The following RAD23B variants were observed in gnomAD, a reference collection of about 807,000 sequenced individuals.
RAD23B encodes RAD23 nucleotide excision repair protein B, also known as lysine-specific demethylase RAD23B.
RAD23B carries 5 observed loss-of-function variants against 49.1 expected under a neutral mutation model. That is an observed-to-expected ratio of 0.10 (90% CI 0.05 to 0.21). The LOEUF (loss-of-function observed/expected upper bound fraction) is 0.21, where lower values mean the gene tolerates loss of function less well. Ranked by LOEUF, RAD23B falls within the 10% of genes least tolerant of loss-of-function variation. RAD23B has a pLI of 1.00. For missense variants in RAD23B, 356 were observed against 486.7 expected, an observed-to-expected ratio of 0.73 and a Z score of 2.53; for synonymous variants, 184 against 165.4, an observed-to-expected ratio of 1.11 and a Z score of -0.86.
intron 4 of RAD23B, among the ~76,000 whole-genome samples, chr9:107,311,141 C>T (rs1826879866): frequency 6.6e-6 from 1 of 152,172 alleles, no homozygotes; most frequent in Non-Finnish European, 1.5e-5. Context: ...TCATTACATT[C>T]AAACTTGGAT....
At chr9:107,324,713 A>C in intron 8 of RAD23B, 121 bp from the exon 9 acceptor site, 1 of 994,452 alleles carries the variant, frequency 1.0e-6, no homozygotes, top group African/African-American at 1.7e-5. Context: ...AATAATCCAG[A>C]ATCACTAAAT....
In RAD23B at chr9:107,318,686, A is replaced by G. The variant is rs1805332; in HGVS notation, c.554-66A>G. ...CCTGAAATGTTGTATACATGAATCA[A>G]TAAATGTATAGAGAATGCTTATTTA... On this transcript the variant is annotated intron_variant, in intron 5 of 9. Coordinates refer to ENST00000358015, the MANE Select transcript of RAD23B (RefSeq NM_002874.5). This position sits in a 1 kb window ranked among gnomAD's most constrained non-coding sequence, Gnocchi z 4.3. 0.68 allele frequency: 1,007,241 copies of G among 1,492,052 alleles called. 341,545 individuals carry two copies. The highest frequency in any genetic ancestry group is 0.76 in the East Asian group (32,794 of 43,204). 92.4% of individuals were successfully genotyped at this position (1,492,052 alleles called of 1,614,324 possible). A position where few individuals can be genotyped will look rare whatever the true frequency, so the allele number is the denominator to read the frequency against.
At position 107,319,133 on chromosome 9, in the gene RAD23B, T is replaced by C. The variant is rs796188616; in HGVS notation, c.681+254T>C. Among the ~76,000 whole-genome samples, 128 of 116,828 alleles carry C rather than the reference T, an allele frequency of 1.1e-3. 1 individual carries two copies. The highest frequency in any genetic ancestry group is 8.0e-3 in the Admixed American group (99 of 12,400). 76.6% of individuals were successfully genotyped at this position (116,828 alleles called of 152,430 possible). A position where few individuals can be genotyped will look rare whatever the true frequency, so the allele number is the denominator to read the frequency against. ...AGAACAAAAATTTCTTTTTTCTTTT[T>C]TTTTTTTTTTTTTTTGAGACGGAGT... On this transcript the variant is annotated intron_variant, in intron 6 of 9. Coordinates refer to ENST00000358015, the MANE Select transcript of RAD23B (RefSeq NM_002874.5).
At chr9:107,303,994 C>T (rs960665281) in intron 3 of RAD23B, among the ~76,000 whole-genome samples, 2 of 151,968 alleles carry the variant, frequency 1.3e-5, no homozygotes. Flanking sequence ...CCTAATATTA[C>T]ATAGGATTCT....
intron 3 of RAD23B, among the ~76,000 whole-genome samples, chr9:107,304,920 G>A (rs1443835666): frequency 1.3e-5 from 2 of 152,120 alleles, no homozygotes; most frequent in African/African-American, 2.4e-5. Context: ...TACTGATAAC[G>A]TAAACAGTGG....
rs932993714 is a variant in RAD23B at position 107,326,704 on chromosome 9, G to T, written c.1116+1700G>T. On this transcript the variant is annotated intron_variant, in intron 9 of 9. Coordinates refer to ENST00000358015, the MANE Select transcript of RAD23B (RefSeq NM_002874.5). ...GCTGGATTGCAGTGGCGTGATCTCC[G>T]CTCATTGCAAGCTCCACCTCCTGGG... Among the ~76,000 whole-genome samples, 9 of 119,872 alleles carry T rather than the reference G, an allele frequency of 7.5e-5. No individual in the cohort carries two copies. In the Admixed American group the frequency reaches 1.0e-3, roughly 14 times the overall value. 78.6% of individuals were successfully genotyped at this position (119,872 alleles called of 152,430 possible).
At position 107,308,880 on chromosome 9, in the gene RAD23B, GA is replaced by G. The variant is rs368416690; in HGVS notation, c.497+2234del. On this transcript the variant is annotated intron_variant, in intron 4 of 9. Transcript: ENST00000358015. The stretch of plus-strand genomic sequence containing the variant: ...TAATTATCAGGAGATAAGCTGTTAA[GA>G]CTTTGTGGAGTGACTTTGTGGGAAG... 5.5e-3 allele frequency among the ~76,000 whole-genome samples: 844 copies of G among 152,296 alleles called. 8 individuals carry two copies. Among genetic ancestry groups the G allele is most frequent in the African/African-American group, 0.02 (818 of 41,544 alleles).
At chr9:107,316,589 G>A (rs1170223155) in intron 5 of RAD23B, among the ~76,000 whole-genome samples, 1 of 152,104 alleles carries the variant, frequency 6.6e-6, no homozygotes, top group Non-Finnish European at 1.5e-5. Flanking sequence ...TTGTTTTATG[G>A]GATGGGAAAA....
At chr9:107,286,066 A>G (rs1435504969) in intron 1 of RAD23B, among the ~76,000 whole-genome samples, 1 of 152,196 alleles carries the variant, frequency 6.6e-6, no homozygotes, top group Non-Finnish European at 1.5e-5. Context: ...ATAAGATAGG[A>G]TCTTATTGAG....
rs1827292926 is a variant in RAD23B at position 107,330,868 on chromosome 9, A to G, written c.*1212A>G. The G allele has an allele frequency of 2.0e-5, 3 of 152,650 alleles. No homozygotes were observed. The highest frequency in any genetic ancestry group is 2.1e-4 in the South Asian group (1 of 4,836). 9.5% of individuals were successfully genotyped at this position (152,650 alleles called of 1,614,324 possible). ...ATATACAATCAAGATATCTCATGGC[A>G]TATTAAAAGAAAAATCTTAATAGCA... is the stretch of plus-strand genomic sequence containing the variant. On this transcript the variant is annotated 3_prime_UTR_variant, in exon 10 of 10. Transcript: ENST00000358015. The surrounding 1 kb of genome is among the most constrained non-coding windows in gnomAD (Gnocchi z 4.4).
At chr9:107,291,909 A>G (rs1833390489) in intron 1 of RAD23B, among the ~76,000 whole-genome samples, 1 of 152,204 alleles carries the variant, frequency 6.6e-6, no homozygotes, top group Non-Finnish European at 1.5e-5. Context: ...TTTCTTTTAA[A>G]TGAAATCTCT....
At chr9:107,322,265 G>T in intron 7 of RAD23B, 147 bp downstream of exon 7, 1 of 1,051,340 alleles carries the variant, frequency 9.5e-7, no homozygotes, top group African/African-American at 1.6e-5. Flanking sequence ...TTTGAGAAAG[G>T]CCCAAAAGAA....
rs573374044 is a variant in RAD23B at position 107,305,041 on chromosome 9, C to T, written c.229-1338C>T. Reference sequence around the variant, plus strand: ...TGGTGGCTGATGCCTGTAATCCCATCGCCTTGGGAGGCCAAGGTGGGCGGA... The same window carrying T: ...TGGTGGCTGATGCCTGTAATCCCATTGCCTTGGGAGGCCAAGGTGGGCGGA... On this transcript the variant is annotated intron_variant, in intron 3 of 9. Coordinates refer to ENST00000358015, the MANE Select transcript of RAD23B (RefSeq NM_002874.5). Among the ~76,000 whole-genome samples the T allele has an allele frequency of 2.1e-3, 322 of 152,160 alleles. 1 individual carries two copies. The highest frequency in any genetic ancestry group is 2.7e-3 in the Non-Finnish European group (187 of 68,004).
At chr9:107,321,597 ATAGG>A (rs748573226) in intron 6 of RAD23B, among the ~76,000 whole-genome samples, 6 of 152,232 alleles carry the variant, frequency 3.9e-5, no homozygotes, top group Non-Finnish European at 7.3e-5. Flanking sequence ...AACTGAACTA[ATAGG>A]TAGCACAAAA....
intron 3 of RAD23B, among the ~76,000 whole-genome samples, chr9:107,302,641 T>TC (rs1325464375): frequency 1.7e-4 from 2 of 11,770 alleles, no homozygotes; most frequent in African/African-American, 2.6e-3. Flanking sequence ...TATGAGGAAG[T>TC]TTTTTTTGTT....
chr9:107,294,180 A>G (rs961672767), intron 1 of RAD23B, among the ~76,000 whole-genome samples: 15 of 152,306 alleles, frequency 9.8e-5, no homozygotes, highest in African/African-American at 3.6e-4. Flanking sequence ...CCTTTGGAGG[A>G]AAAAAGAAAA....
intron 9 of RAD23B, among the ~76,000 whole-genome samples, chr9:107,328,845 T>G (rs979387279): frequency 2.0e-5 from 3 of 151,862 alleles, no homozygotes; most frequent in Non-Finnish European, 2.9e-5. Flanking sequence ...TTAAAAGGAG[T>G]GAGTATTGTC....
Position 107,316,558 on chromosome 9 carries a change from AAAAT to A in RAD23B, c.554-2187_554-2184del, listed in dbSNP as rs552565083. Reference sequence around the variant, plus strand: ...TGCTCGAATTATATCAGTAGATAAGAAAATAAATAATTAAAATTTATTGTTTTAT... The same window carrying A: ...TGCTCGAATTATATCAGTAGATAAGAAAATAATTAAAATTTATTGTTTTAT... On this transcript the variant is annotated intron_variant, in intron 5 of 9. Transcript: ENST00000358015. Among the ~76,000 whole-genome samples, 202 of 152,326 alleles carry A rather than the reference AAAAT, an allele frequency of 1.3e-3. 1 individual carries two copies. The highest frequency in any genetic ancestry group is 4.5e-3 in the African/African-American group (187 of 41,564).
intron 4 of RAD23B, among the ~76,000 whole-genome samples, chr9:107,310,865 A>G (rs1221819814): frequency 6.6e-6 from 1 of 152,184 alleles, no homozygotes; most frequent in Non-Finnish European, 1.5e-5. Flanking sequence ...TATGCATCCA[A>G]ACTTGAGTTT....
Sources: gnomAD v4.1 joint callset for allele counts (sites outside exome capture counted in the v4.1 genomes callset) on GRCh38, gnomAD v4.1.1 for gene constraint, Gnocchi (gnomAD v3.1) non-coding constraint, MANE v1.5 for transcripts, NCBI Gene and HGNC (gene_info 2026-07-23, HGNC 2026-07-21) for gene names.